CSMD1: variants seen among roughly 807,000 people sequenced by gnomAD.
CSMD1 encodes the protein CUB and Sushi multiple domains 1, also known as CUB and sushi domain-containing protein 1.
In CSMD1, 213 loss-of-function variants were observed where a neutral mutation model predicts 417.5. The ratio of observed to expected loss-of-function variants is 0.51; its 90% CI spans 0.46 to 0.57. CSMD1 has a LOEUF of 0.57. Among genes scored for constraint, CSMD1 ranks in the 20% least tolerant of loss-of-function variants. CSMD1 has a pLI of 0.00. For synonymous variants in CSMD1, 2,862 were observed against 1,736.8 expected (o/e 1.65, Z -16.11); for missense variants, 6,923 against 4,529.7 (o/e 1.53, Z -15.17).
At chr8:4,203,177 A>C (rs986450038) in intron 3 of CSMD1, among the ~76,000 whole-genome samples, 1 of 152,202 alleles carries the variant, frequency 6.6e-6, no homozygotes, top group Non-Finnish European at 1.5e-5. Context: ...TGTCATTTAA[A>C]AAATCGTCAG....
chr8:3,369,341 T>C lies in CSMD1; in HGVS notation c.2812A>G (p.Ser938Gly). The C allele has an allele frequency of 6.3e-7, 1 of 1,598,588 alleles. No individual in the cohort carries two copies. The highest frequency in any genetic ancestry group is 1.3e-5 in the African/African-American group (1 of 74,710). ...AACCCAGGAGAAAGGACTGTTCCAC[T>C]CTTCCCTTGGATGTAGCCTCCACAT... ...ALCGGYIQGK[S>G]GTVLSPGFPD... Residue 938 changes from serine (S) to glycine (G), a missense_variant, in exon 19 of 70, where the codon AGT becomes GGT. Coordinates refer to ENST00000635120, the MANE Select transcript of CSMD1 (RefSeq NM_033225.6).
intron 26 of CSMD1, among the ~76,000 whole-genome samples, chr8:3,237,923 T>G (rs1314032485): frequency 6.8e-6 from 1 of 147,272 alleles, no homozygotes; most frequent in Non-Finnish European, 1.5e-5. Flanking sequence ...TTTTGTATAT[T>G]TATTTTATGA....
chr8:4,885,462 T>C (rs1033474266), intron 1 of CSMD1, among the ~76,000 whole-genome samples: 1 of 152,020 alleles, frequency 6.6e-6, no homozygotes, highest in Non-Finnish European at 1.5e-5. Context: ...TAATCTTACA[T>C]GTGCAATTTT....
intron 2 of CSMD1, among the ~76,000 whole-genome samples, chr8:4,574,372 G>C (rs185748546): frequency 2.8e-4 from 43 of 152,266 alleles, no homozygotes; most frequent in Admixed American, 1.8e-3. Context: ...CCTTGGCTAG[G>C]AGAGGGGGTT....
chr8:4,231,323 C>G (rs1229921952), intron 3 of CSMD1, among the ~76,000 whole-genome samples: 1 of 152,166 alleles, frequency 6.6e-6, no homozygotes, highest in Non-Finnish European at 1.5e-5. Flanking sequence ...TGGGTCCAAC[C>G]TCACATATGA....
intron 7 of CSMD1, among the ~76,000 whole-genome samples, chr8:3,706,460 C>T (rs1801175049): frequency 6.6e-6 from 1 of 152,214 alleles, no homozygotes; most frequent in South Asian, 2.1e-4. Flanking sequence ...TTCCATTCCT[C>T]ATTTTCCCTA....
intron 2 of CSMD1, among the ~76,000 whole-genome samples, chr8:4,468,341 G>A (rs535595354): frequency 2.0e-5 from 3 of 152,140 alleles, no homozygotes; most frequent in Admixed American, 6.5e-5. Flanking sequence ...TTTTAAAGGT[G>A]TTATCACAAA....
At chr8:3,265,422 A>G (rs897372186) in intron 26 of CSMD1, among the ~76,000 whole-genome samples, 12 of 152,176 alleles carry the variant, frequency 7.9e-5, no homozygotes, top group African/African-American at 2.9e-4. Flanking sequence ...ATCATATTAA[A>G]TGGGTCGTTA....
At chr8:3,220,127 T>C (rs1013380986) in intron 28 of CSMD1, among the ~76,000 whole-genome samples, 1 of 131,988 alleles carries the variant, frequency 7.6e-6, no homozygotes, top group African/African-American at 3.0e-5. Flanking sequence ...CACTCCACCC[T>C]GAGAGACAGA....
rs186501331 is a variant in CSMD1, at chr8:4,424,659, G to C, written c.303-4594C>G. On this transcript the variant is annotated intron_variant, in intron 2 of 69. Transcript: ENST00000635120. Reference sequence around the variant, plus strand: ...AAACAGAAAACTTCCGAAGAAGTTTGACATTTCCTTTAAAAACGAAACACG... The same window carrying C: ...AAACAGAAAACTTCCGAAGAAGTTTCACATTTCCTTTAAAAACGAAACACG... Among the ~76,000 whole-genome samples, 418 of 152,190 alleles carry C rather than the reference G, an allele frequency of 2.7e-3. 4 individuals carry two copies. Among genetic ancestry groups the C allele is most frequent in the African/African-American group, 9.2e-3 (383 of 41,542 alleles).
chr8:4,810,649 T>C (rs1393950741), intron 1 of CSMD1, among the ~76,000 whole-genome samples: 1 of 150,878 alleles, frequency 6.6e-6, no homozygotes, highest in African/African-American at 2.4e-5. Context: ...TGATTTTGTA[T>C]TACATAGAAA....
chr8:4,019,129 T>G (rs1284097765), intron 4 of CSMD1, among the ~76,000 whole-genome samples: 2 of 152,192 alleles, frequency 1.3e-5, no homozygotes, highest in African/African-American at 2.4e-5. Flanking sequence ...TAGGCCATGG[T>G]ATCGTAAGAC....
At chr8:3,895,374 T>C (rs1394875643) in intron 5 of CSMD1, among the ~76,000 whole-genome samples, 1 of 152,168 alleles carries the variant, frequency 6.6e-6, no homozygotes, top group African/African-American at 2.4e-5. Flanking sequence ...GGAAATATTT[T>C]ATATATTAAA....
intron 6 of CSMD1, among the ~76,000 whole-genome samples, chr8:3,726,047 C>G (rs376870207): frequency 2.0e-5 from 3 of 152,158 alleles, no homozygotes; most frequent in East Asian, 1.9e-4. Flanking sequence ...AATTATGCAG[C>G]TCTCAGGAAA....
chr8:3,866,338 T>C (rs930654285), intron 5 of CSMD1, among the ~76,000 whole-genome samples: 9 of 152,212 alleles, frequency 5.9e-5, no homozygotes, highest in Non-Finnish European at 1.3e-4. Context: ...GGGATTGGCA[T>C]TTCTGTCCTT....
chr8:2,984,514 A>G (rs1805698906), intron 54 of CSMD1, among the ~76,000 whole-genome samples: 2 of 152,058 alleles, frequency 1.3e-5, no homozygotes, highest in South Asian at 4.1e-4. Flanking sequence ...ATGCTCGGCT[A>G]ATTTTTGTAT....
intron 2 of CSMD1, among the ~76,000 whole-genome samples, chr8:4,486,035 G>T (rs1472391227): frequency 6.6e-6 from 1 of 150,504 alleles, no homozygotes; most frequent in Non-Finnish European, 1.5e-5. Flanking sequence ...TAGCAATCCT[G>T]ACTTCATAAA....
chr8:3,985,635 C>T (rs191987065), intron 5 of CSMD1, among the ~76,000 whole-genome samples: 5 of 152,234 alleles, frequency 3.3e-5, no homozygotes, highest in East Asian at 1.9e-4. Context: ...ACGGCAGAAC[C>T]GTTGCACTCA....
chr8:3,876,499 G>T (rs895615034), intron 5 of CSMD1, among the ~76,000 whole-genome samples: 2 of 152,146 alleles, frequency 1.3e-5, no homozygotes, highest in African/African-American at 2.4e-5. Context: ...ATGTAAGTGT[G>T]TAAGTGTGGA....
Sources: allele counts gnomAD v4.1 joint callset (sites outside exome capture counted in the v4.1 genomes callset), GRCh38; gene constraint gnomAD v4.1.1; transcripts MANE v1.5; gene names NCBI Gene and HGNC (gene_info 2026-07-23, HGNC 2026-07-21).